The following TDRD1 variants were observed in gnomAD, a reference collection of about 807,000 sequenced individuals.
TDRD1 encodes the protein tudor domain containing 1.
Under a neutral mutation model 140.6 loss-of-function variants are expected in TDRD1, and 37 were observed. The ratio of observed to expected loss-of-function variants is 0.26; its 90% CI spans 0.20 to 0.35. The LOEUF (loss-of-function observed/expected upper bound fraction) is 0.35. TDRD1 is among the 10% of genes least tolerant of loss of function. TDRD1 has a pLI of 1.00. For synonymous variants in TDRD1, 506 were observed against 475.7 expected (o/e 1.06, Z -0.83); for missense variants, 1,243 against 1,393.0 (o/e 0.89, Z 1.71).
At chr10:114,226,157 A>T in exon 22 of TDRD1, 2 of 1,614,118 alleles carry the variant, frequency 1.2e-6, no homozygotes, top group Non-Finnish European at 1.7e-6. Flanking sequence ...TGCAGAGTGC[A>T]ACCAATCACC....
rs1424095442 is a variant in TDRD1 at position 114,215,145 on chromosome 10, C to T, written c.2212+1031C>T. Among the ~76,000 whole-genome samples, 4 of 152,188 alleles carry T rather than the reference C, an allele frequency of 2.6e-5. No individual in the cohort carries two copies. The East Asian group carries it at 5.8e-4, about 22-fold the overall frequency. Reference sequence around the variant, plus strand: ...GAAATGGAATTACACACTATGCGAGCTTCTGAGCCTTGCTGCTGCCCCCTG... The same window carrying T: ...GAAATGGAATTACACACTATGCGAGTTTCTGAGCCTTGCTGCTGCCCCCTG... On this transcript the variant is annotated intron_variant, in intron 16 of 25. Transcript: ENST00000251864.
intron 7 of TDRD1, 88 bp downstream of exon 7, chr10:114,203,264 A>G (rs2034882428): frequency 2.7e-6 from 4 of 1,484,902 alleles, no homozygotes; most frequent in Non-Finnish European, 3.7e-6. Flanking sequence ...TGCGGTAGCT[A>G]CAAAACATAA....
At chr10:114,194,536 C>T (rs2034202635) in intron 3 of TDRD1, among the ~76,000 whole-genome samples, 1 of 152,014 alleles carries the variant, frequency 6.6e-6, no homozygotes, top group South Asian at 2.1e-4. Context: ...TATTCCTGAT[C>T]TTGGTAATTT....
chr10:114,206,845 C>T (rs1465616082), intron 11 of TDRD1, among the ~76,000 whole-genome samples: 1 of 152,086 alleles, frequency 6.6e-6, no homozygotes, highest in African/African-American at 2.4e-5. Flanking sequence ...AAACTCCTGA[C>T]CTGAGAGTGA....
At chr10:114,196,572 CCT>C (rs2034365243) in intron 3 of TDRD1, among the ~76,000 whole-genome samples, 1 of 151,966 alleles carries the variant, frequency 6.6e-6, no homozygotes, top group Non-Finnish European at 1.5e-5. Context: ...CAGCCCACCT[CCT>C]CCTTTCCCAC....
chr10:114,200,330 A>T (rs1484928375), intron 4 of TDRD1, among the ~76,000 whole-genome samples: 1 of 152,108 alleles, frequency 6.6e-6, no homozygotes. Context: ...TTAGGATGGA[A>T]GCATTTGAGG....
At chr10:114,217,390 T>A (rs547203032) in intron 16 of TDRD1, among the ~76,000 whole-genome samples, 155 bp from the exon 17 acceptor site, 14 of 152,310 alleles carry the variant, frequency 9.2e-5, no homozygotes, top group African/African-American at 3.4e-4. Flanking sequence ...TGCCCAGTAG[T>A]TTTTTAATAA....
At chr10:114,209,085 A>G (rs1477171479) in intron 11 of TDRD1, among the ~76,000 whole-genome samples, 1 of 151,962 alleles carries the variant, frequency 6.6e-6, no homozygotes, top group African/African-American at 2.4e-5. Context: ...GGCCAGATAT[A>G]ATTTTTAAAA....
At chr10:114,201,983 T>C (rs1284472449) in intron 5 of TDRD1, among the ~76,000 whole-genome samples, 1 of 152,214 alleles carries the variant, frequency 6.6e-6, no homozygotes, top group Non-Finnish European at 1.5e-5. Context: ...AGATATTCTC[T>C]CTGTCTGTCT....
At chr10:114,190,078 G>A (rs1015017341) in intron 2 of TDRD1, among the ~76,000 whole-genome samples, 4 of 152,068 alleles carry the variant, frequency 2.6e-5, no homozygotes, top group Admixed American at 1.3e-4. Flanking sequence ...ACCTGTCTCC[G>A]GGAGGCCAAA....
At chr10:114,221,612 A>G (rs1160990891) in intron 20 of TDRD1, 136 bp downstream of exon 20, 5 of 842,728 alleles carry the variant, frequency 5.9e-6, no homozygotes, top group African/African-American at 1.7e-5. Flanking sequence ...CATAACACTT[A>G]AGGCAAATTT....
At chr10:114,187,266 C>G (rs2033611290) in intron 1 of TDRD1, among the ~76,000 whole-genome samples, 2 of 152,106 alleles carry the variant, frequency 1.3e-5, no homozygotes. Flanking sequence ...AAGCAGAGGC[C>G]TTGGCAAAAC....
chr10:114,226,098 T>C (rs377319599), exon 22 of TDRD1: 5 of 1,613,920 alleles, frequency 3.1e-6, no homozygotes, highest in Non-Finnish European at 4.2e-6. Flanking sequence ...CAGACACTGA[T>C]GTGGAAGTGC....
chr10:114,187,080 G>A (rs2033594591), intron 1 of TDRD1, among the ~76,000 whole-genome samples: 1 of 152,056 alleles, frequency 6.6e-6, no homozygotes. Context: ...TAAGAGTAAC[G>A]GAAAAACAAG....
chr10:114,218,629 G>A (rs754627533), intron 18 of TDRD1, 45 bp downstream of exon 18: 6 of 1,345,552 alleles, frequency 4.5e-6, no homozygotes, highest in Middle Eastern at 2.0e-4. Context: ...TAATACTTGG[G>A]GCATATAATC....
chr10:114,206,706 C>G (rs1039655082), intron 11 of TDRD1, among the ~76,000 whole-genome samples: 5 of 150,662 alleles, frequency 3.3e-5, no homozygotes, highest in African/African-American at 1.2e-4. Flanking sequence ...CTCTGCCTCC[C>G]TGGTTCAAGT....
intron 8 of TDRD1, 96 bp downstream of exon 8, chr10:114,203,663 A>G: frequency 9.0e-7 from 1 of 1,110,360 alleles, no homozygotes; most frequent in East Asian, 2.5e-5. Context: ...GACAAGGCTT[A>G]AAGCCAGCCT....
intron 1 of TDRD1, among the ~76,000 whole-genome samples, chr10:114,186,267 T>TTTTG (rs56240844): frequency 0.26 from 38,948 of 151,702 alleles, 5,285 homozygotes; most frequent in African/African-American, 0.33. Context: ...CCTGGAGTTT[T>TTTTG]TTTGTTTGTT....
intron 1 of TDRD1, among the ~76,000 whole-genome samples, chr10:114,187,443 G>T (rs1046136293): frequency 6.6e-6 from 1 of 152,182 alleles, no homozygotes; most frequent in African/African-American, 2.4e-5. Flanking sequence ...GGTAGGTGAC[G>T]ACCTGATTTA....
Sources: allele counts gnomAD v4.1 joint callset (sites outside exome capture counted in the v4.1 genomes callset), GRCh38; gene constraint gnomAD v4.1.1; transcripts MANE v1.5; gene names NCBI Gene and HGNC (gene_info 2026-07-23, HGNC 2026-07-21).